BRIP1: variants seen among roughly 807,000 people sequenced by gnomAD.
BRIP1 encodes Fanconi anemia group J protein.
Under a neutral mutation model 119.7 loss-of-function variants are expected in BRIP1, and 88 were observed. The ratio of observed to expected loss-of-function variants is 0.74; its 90% CI spans 0.62 to 0.88. The LOEUF (loss-of-function observed/expected upper bound fraction) is 0.88, where lower values mean the gene tolerates loss of function less well. BRIP1 is among the 40% of genes least tolerant of loss of function. The probability of loss-of-function intolerance (pLI) is 0.00; values close to 1 mark genes in which losing one functional copy is unlikely to be tolerated. For missense variants in BRIP1, 1,259 were observed against 1,455.4 expected (o/e 0.87, Z 2.20); for synonymous variants, 443 against 496.5 (o/e 0.89, Z 1.43).
chr17:61,699,745 T>A lies in BRIP1; in HGVS notation c.2493-6233A>T, dbSNP rs2061584137. Among the ~76,000 whole-genome samples the A allele has an allele frequency of 6.6e-6, 1 of 152,204 alleles. No homozygotes were observed. Among genetic ancestry groups the A allele is most frequent in the Non-Finnish European group, 1.5e-5 (1 of 68,030 alleles). On this transcript the variant is annotated intron_variant, in intron 17 of 19. Coordinates refer to ENST00000259008, the MANE Select transcript of BRIP1 (RefSeq NM_032043.3). This position sits in a 1 kb window ranked among gnomAD's most constrained non-coding sequence, Gnocchi z 4.8. Reference sequence around the variant, plus strand: ...TACCTGTGATTGACTGATAAGAGTGTCTCACTGTGCCTGAACTGTTTGAGT... The same window carrying A: ...TACCTGTGATTGACTGATAAGAGTGACTCACTGTGCCTGAACTGTTTGAGT...
At chr17:61,830,402 T>C (rs2078476293) in intron 6 of BRIP1, among the ~76,000 whole-genome samples, 1 of 150,690 alleles carries the variant, frequency 6.6e-6, no homozygotes, top group Non-Finnish European at 1.5e-5. Flanking sequence ...CTCTACTACC[T>C]ATTACAGATT....
At position 61,700,486 on chromosome 17, in the gene BRIP1, G is replaced by C. The variant is rs562070905; in HGVS notation, c.2493-6974C>G. 1.3e-5 allele frequency among the ~76,000 whole-genome samples: 2 copies of C among 152,116 alleles called. No homozygotes were observed. Among genetic ancestry groups the C allele is most frequent in the Non-Finnish European group, 2.9e-5 (2 of 68,022 alleles). On this transcript the variant is annotated intron_variant, in intron 17 of 19. Coordinates refer to ENST00000259008, the MANE Select transcript of BRIP1 (RefSeq NM_032043.3). This position sits in a 1 kb window ranked among gnomAD's most constrained non-coding sequence, Gnocchi z 4.1. ...TTAGATATAGTATTCTTGGTTGACA[G>C]TCATTTTCTTTCAGCACTTTGAACA... is the stretch of plus-strand genomic sequence containing the variant.
In BRIP1 at chr17:61,853,232, CAT is replaced by C; in HGVS notation, c.379+3824_379+3825del. Among the ~76,000 whole-genome samples, 1 of 145,094 alleles carries C rather than the reference CAT, an allele frequency of 6.9e-6. No individual in the cohort carries two copies. The highest frequency in any genetic ancestry group is 2.8e-4 in the East Asian group (1 of 3,530). ...AGACACAAGATTACATATATAATTC[CAT>C]TTTTTTTTTTTGAGATGGAGTTTCA... On this transcript the variant is annotated intron_variant, in intron 4 of 19. Coordinates refer to ENST00000259008, the MANE Select transcript of BRIP1 (RefSeq NM_032043.3). This position sits in a 1 kb window ranked among gnomAD's most constrained non-coding sequence, Gnocchi z 4.3.
At chr17:61,812,929 T>C (rs1459109114) in intron 6 of BRIP1, among the ~76,000 whole-genome samples, 1 of 152,146 alleles carries the variant, frequency 6.6e-6, no homozygotes, top group Non-Finnish European at 1.5e-5. Context: ...TACCACAATG[T>C]CAACTTCTAA....
At chr17:61,811,180 T>C (rs1163320438) in intron 6 of BRIP1, among the ~76,000 whole-genome samples, 1 of 152,192 alleles carries the variant, frequency 6.6e-6, no homozygotes, top group Non-Finnish European at 1.5e-5. Context: ...TCTATGAACT[T>C]AAGTAGACTC....
intron 17 of BRIP1, among the ~76,000 whole-genome samples, chr17:61,715,256 T>A (rs145720449): frequency 6.1e-4 from 92 of 151,934 alleles, no homozygotes; most frequent in African/African-American, 2.1e-3. Flanking sequence ...TTATTAAATA[T>A]CCTTCAGTTT....
At position 61,685,916 on chromosome 17, in the gene BRIP1, C is replaced by T. The variant is rs370330739; in HGVS notation, c.2825G>A (p.Cys942Tyr). Residue 942 changes from cysteine (C) to tyrosine (Y), a missense_variant, in exon 19 of 20, where the codon TGT becomes TAT. Cys to Tyr is a radical substitution (Grantham distance 194). This residue lies in a region of BRIP1 where 753 missense variants were observed against 891.8 expected (regional missense o/e 0.84). Transcript: ENST00000259008. Reference protein sequence around the residue: ...ENFVEDEAKICVQELQCPKII... With the variant: ...ENFVEDEAKIYVQELQCPKII... Reference sequence around the variant, plus strand: ...TTTAGGACACTGTAGTTCCTGGACACATATCTTTGCTTCATCTTCCACAAA... The same window carrying T: ...TTTAGGACACTGTAGTTCCTGGACATATATCTTTGCTTCATCTTCCACAAA... The T allele has an allele frequency of 5.0e-6, 8 of 1,614,076 alleles. No individual in the cohort carries two copies. The highest frequency in any genetic ancestry group is 1.3e-5 in the African/African-American group (1 of 75,042).
intron 14 of BRIP1, among the ~76,000 whole-genome samples, chr17:61,765,170 G>A (rs2077333455): frequency 6.7e-6 from 1 of 150,368 alleles, no homozygotes; most frequent in African/African-American, 2.4e-5. Context: ...CCAGTCTGTG[G>A]TATTCTGTTA....
intron 6 of BRIP1, among the ~76,000 whole-genome samples, chr17:61,836,116 T>C (rs1159997711): frequency 1.4e-5 from 2 of 147,330 alleles, no homozygotes; most frequent in East Asian, 2.0e-4. Context: ...CTCTTTTTTT[T>C]TTTTTTTTTT....
At chr17:61,712,774 C>G (rs376563783) in intron 17 of BRIP1, among the ~76,000 whole-genome samples, 24 of 151,702 alleles carry the variant, frequency 1.6e-4, no homozygotes, top group Non-Finnish European at 3.1e-4. Flanking sequence ...CGTGGTGGTG[C>G]GAGCCTGTAG....
chr17:61,814,913 G>T lies in BRIP1; in HGVS notation c.628-6156C>A, dbSNP rs150374677. Among the ~76,000 whole-genome samples the T allele has an allele frequency of 2.9e-3, 447 of 151,876 alleles. 4 individuals carry two copies. Among genetic ancestry groups the T allele is most frequent in the African/African-American group, 0.011 (436 of 41,464 alleles). ...AATGACAGTTGTATGCATCGACATC[G>T]ATAAACATGAACAAGCAGTTGAACA... On this transcript the variant is annotated intron_variant, in intron 6 of 19. Coordinates refer to ENST00000259008, the MANE Select transcript of BRIP1 (RefSeq NM_032043.3). The surrounding 1 kb of genome is among the most constrained non-coding windows in gnomAD (Gnocchi z 4.9).
rs552634904 is a variant in BRIP1 at position 61,814,223 on chromosome 17, A to G, written c.628-5466T>C. Among the ~76,000 whole-genome samples, 5 of 152,182 alleles carry G rather than the reference A, an allele frequency of 3.3e-5. No individual in the cohort carries two copies. Among genetic ancestry groups the G allele is most frequent in the South Asian group, 2.1e-4 (1 of 4,826 alleles). On this transcript the variant is annotated intron_variant, in intron 6 of 19. Coordinates refer to ENST00000259008, the MANE Select transcript of BRIP1 (RefSeq NM_032043.3). This position sits in a 1 kb window ranked among gnomAD's most constrained non-coding sequence, Gnocchi z 4.9. ...AAGGATTTCCTAAAACAATAAACCA[A>G]AAACACAAATGAGTGAAAACACAGC...
Position 61,803,546 on chromosome 17 carries a change from CA to C in BRIP1, c.919-2073del, listed in dbSNP as rs1383865470. Among the ~76,000 whole-genome samples the C allele has an allele frequency of 2.0e-5, 3 of 151,442 alleles. No individual in the cohort carries two copies. Among genetic ancestry groups the C allele is most frequent in the African/African-American group, 7.3e-5 (3 of 41,310 alleles). On this transcript the variant is annotated intron_variant, in intron 7 of 19. Transcript: ENST00000259008. This position sits in a 1 kb window ranked among gnomAD's most constrained non-coding sequence, Gnocchi z 4.3. Reference sequence around the variant, plus strand: ...GGGAGACTCAATCTCTACAAAAAAACAAAAAAAATTAAACCGCAGTGAGCAG... The same window carrying C: ...GGGAGACTCAATCTCTACAAAAAAACAAAAAAATTAAACCGCAGTGAGCAG...
chr17:61,766,354 A>G (rs2077373853), intron 14 of BRIP1, among the ~76,000 whole-genome samples: 1 of 152,188 alleles, frequency 6.6e-6, no homozygotes, highest in Admixed American at 6.5e-5. Context: ...ATCTAACCTG[A>G]GAGATATACA....
intron 17 of BRIP1, among the ~76,000 whole-genome samples, chr17:61,712,218 C>T (rs1458672673): frequency 6.6e-6 from 1 of 151,806 alleles, no homozygotes; most frequent in Non-Finnish European, 1.5e-5. Flanking sequence ...TACTCTTAAC[C>T]AATTTCTTTT....
In BRIP1 at chr17:61,843,341, C is replaced by T. The variant is rs1391978161; in HGVS notation, c.627+3760G>A. Among the ~76,000 whole-genome samples the T allele has an allele frequency of 3.9e-5, 6 of 151,960 alleles. No homozygotes were observed. Among genetic ancestry groups the T allele is most frequent in the Non-Finnish European group, 5.9e-5 (4 of 68,000 alleles). ...ATACTATATTCTAGGCTGGATATTT[C>T]GATATTGGCTTTAAAATTTTCAGGT... On this transcript the variant is annotated intron_variant, in intron 6 of 19. Transcript: ENST00000259008. This position sits in a 1 kb window ranked among gnomAD's most constrained non-coding sequence, Gnocchi z 5.7.
chr17:61,759,723 TATGTGTAC>T lies in BRIP1; in HGVS notation c.2098-15140_2098-15133del, dbSNP rs1451697434. Among the ~76,000 whole-genome samples, 1 of 152,048 alleles carries T rather than the reference TATGTGTAC, an allele frequency of 6.6e-6. No individual in the cohort carries two copies. The highest frequency in any genetic ancestry group is 1.5e-5 in the Non-Finnish European group (1 of 67,966). On this transcript the variant is annotated intron_variant, in intron 14 of 19. Coordinates refer to ENST00000259008, the MANE Select transcript of BRIP1 (RefSeq NM_032043.3). This position sits in a 1 kb window ranked among gnomAD's most constrained non-coding sequence, Gnocchi z 4.9. Reference sequence around the variant, plus strand: ...ATGTTTATACTATACTGCAGTCTATTATGTGTACAAGTGGCATTATGTCTAAAAAAATA... The same window carrying T: ...ATGTTTATACTATACTGCAGTCTATTAAGTGGCATTATGTCTAAAAAAATA...
intron 6 of BRIP1, among the ~76,000 whole-genome samples, chr17:61,829,233 TA>T (rs1417904338): frequency 2.6e-5 from 4 of 152,034 alleles, no homozygotes; most frequent in African/African-American, 7.2e-5. Flanking sequence ...AGGTTAAAAA[TA>T]AAAGGATGAA....
rs190668504 is a variant in BRIP1 at position 61,794,627 on chromosome 17, A to G, written c.1341-898T>C. On this transcript the variant is annotated intron_variant, in intron 9 of 19. Coordinates refer to ENST00000259008, the MANE Select transcript of BRIP1 (RefSeq NM_032043.3). This position sits in a 1 kb window ranked among gnomAD's most constrained non-coding sequence, Gnocchi z 4.3. ...GGTGATGAAATAATATGTACAACAA[A>G]CCCCCATAACATGTTTACCTGTATA... is the stretch of plus-strand genomic sequence containing the variant. Among the ~76,000 whole-genome samples, 301 of 151,762 alleles carry G rather than the reference A, an allele frequency of 2.0e-3. 1 individual carries two copies. The highest frequency in any genetic ancestry group is 6.8e-3 in the African/African-American group (283 of 41,378).
Sources: allele counts gnomAD v4.1 joint callset (sites outside exome capture counted in the v4.1 genomes callset), GRCh38; gene constraint gnomAD v4.1.1; regional missense constraint gnomAD v4.1.1; non-coding constraint Gnocchi (gnomAD v3.1); transcripts MANE v1.5; gene names NCBI Gene and HGNC (gene_info 2026-07-23, HGNC 2026-07-21).